Variants in IL16 observed in about 807,000 individuals in gnomAD.
IL16 encodes interleukin 16.
A neutral mutation model predicts 110.1 loss-of-function variants in IL16; 67 were observed. The ratio of observed to expected loss-of-function variants is 0.61; its 90% CI spans 0.50 to 0.75. IL16 has a LOEUF of 0.75. IL16 is among the 30% of genes least tolerant of loss of function. The pLI is 0.00. For synonymous variants in IL16, 689 were observed against 662.9 expected (o/e 1.04, Z -0.61); for missense variants, 1,545 against 1,655.0 (o/e 0.93, Z 1.15).
At chr15:81,233,783 C>G (rs1344388362) in intron 2 of IL16, among the ~76,000 whole-genome samples, 2 of 151,846 alleles carry the variant, frequency 1.3e-5, no homozygotes, top group Non-Finnish European at 2.9e-5. Context: ...ATTTGTCTAC[C>G]CATTTCCCCT....
At chr15:81,270,096 G>A (rs1898565965) in intron 5 of IL16, among the ~76,000 whole-genome samples, 1 of 152,200 alleles carries the variant, frequency 6.6e-6, no homozygotes, top group South Asian at 2.1e-4. Context: ...GAAATTCAAT[G>A]GTTGATAGTG....
Position 81,300,339 on chromosome 15 carries a change from CTTCCAT to C in IL16, c.3014_3019del (p.Leu1005_Ser1007delinsPro). ...GGCTGTCATGAAATCCTTGCTGTGC[CTTCCAT>C]CTTCTATCTCCTGTGCCCAGACTCC... is the stretch of plus-strand genomic sequence containing the variant. On this transcript the variant is annotated inframe_deletion, in exon 14 of 19. Coordinates refer to ENST00000683961, the MANE Select transcript of IL16 (RefSeq NM_172217.5). The C allele has an allele frequency of 1.2e-6, 2 of 1,614,158 alleles. No individual in the cohort carries two copies. Among genetic ancestry groups the C allele is most frequent in the Non-Finnish European group, 1.7e-6 (2 of 1,180,024 alleles).
At chr15:81,233,229 T>A (rs1357275850) in intron 2 of IL16, among the ~76,000 whole-genome samples, 2 of 152,134 alleles carry the variant, frequency 1.3e-5, no homozygotes, top group Non-Finnish European at 2.9e-5. Context: ...AATAGAAAGA[T>A]CCTGTGTACC....
At chr15:81,219,605 G>A (rs1279474207) in intron 1 of IL16, among the ~76,000 whole-genome samples, 1 of 152,084 alleles carries the variant, frequency 6.6e-6, no homozygotes, top group East Asian at 1.9e-4. Context: ...AAGTGCAATG[G>A]TCCCTGTGAG....
chr15:81,237,280 A>C (rs1897206316), intron 2 of IL16, among the ~76,000 whole-genome samples: 1 of 152,060 alleles, frequency 6.6e-6, no homozygotes, highest in Admixed American at 6.5e-5. Context: ...AACAACAAAC[A>C]ATTAAGAAAC....
At chr15:81,209,887 C>T (rs1429576425) in intron 1 of IL16, among the ~76,000 whole-genome samples, 1 of 152,216 alleles carries the variant, frequency 6.6e-6, no homozygotes, top group Non-Finnish European at 1.5e-5. Context: ...GGAATTGTCA[C>T]TTCTTGTTTT....
intron 8 of IL16, among the ~76,000 whole-genome samples, chr15:81,282,387 G>T (rs1316667695): frequency 6.6e-6 from 1 of 152,122 alleles, no homozygotes. Flanking sequence ...TTCTCATCTA[G>T]CTCCCTCCTT....
In IL16 at chr15:81,278,884, G is replaced by A; in HGVS notation, c.858G>A (p.Lys286=). ...TAACACATCAGGATGCTTTGCAGAA[G>A]TTCAAGGTGACCATTTCTTATCAAC... ...AGLTHQDALQ[K]FKQAKKGLLT... is the part of the protein sequence containing the mutation. The change falls in exon 7 of 19, where the codon AAG becomes AAA. Residue 286 remains lysine (K), a synonymous_variant. Transcript: ENST00000683961. 3 of 1,611,040 alleles carry A rather than the reference G, an allele frequency of 1.9e-6. No individual in the cohort carries two copies. Among genetic ancestry groups the A allele is most frequent in the South Asian group, 1.1e-5 (1 of 91,006 alleles).
At chr15:81,292,526 T>C (rs1309477534) in intron 11 of IL16, 30 bp from the exon 12 acceptor site, 1 of 1,612,064 alleles carries the variant, frequency 6.2e-7, no homozygotes, top group Non-Finnish European at 8.5e-7. Flanking sequence ...GAAGCTCAGC[T>C]GTGAAGATTC....
chr15:81,297,035 G>C lies in IL16; in HGVS notation c.2010G>C (p.Lys670Asn), dbSNP rs1361722129. Reference sequence around the variant, plus strand: ...GACCTGGTATCGGCCCACAGACCAAGTCCTCCACAGAGGGCGAGCCAGGGT... The same window carrying C: ...GACCTGGTATCGGCCCACAGACCAACTCCTCCACAGAGGGCGAGCCAGGGT... ...CPGPGIGPQT[K>N]SSTEGEPGWR... Residue 670 changes from lysine (K) to asparagine (N), a missense_variant, in exon 13 of 19, where the codon AAG becomes AAC. By Grantham distance (94) the Lys-to-Asn change is moderately conservative. This residue lies in a region of IL16 where 1,185 missense variants were observed against 1,238.8 expected (regional missense o/e 0.96). Coordinates refer to ENST00000683961, the MANE Select transcript of IL16 (RefSeq NM_172217.5). 6.2e-7 allele frequency: 1 copy of C among 1,613,844 alleles called. No individual in the cohort carries two copies. Among genetic ancestry groups the C allele is most frequent in the African/African-American group, 1.3e-5 (1 of 74,902 alleles).
chr15:81,249,413 T>C (rs1199777909), intron 2 of IL16, among the ~76,000 whole-genome samples: 1 of 152,194 alleles, frequency 6.6e-6, no homozygotes, highest in African/African-American at 2.4e-5. Context: ...CTTGGGATTT[T>C]TTTTTTCTGT....
At chr15:81,239,799 G>GTTT (rs767628898) in intron 2 of IL16, among the ~76,000 whole-genome samples, 2 of 147,004 alleles carry the variant, frequency 1.4e-5, no homozygotes, top group African/African-American at 5.5e-5. Context: ...TTGTTTGTTT[G>GTTT]TTTTTGGCTT....
At chr15:81,207,080 C>CA (rs952229980) in intron 1 of IL16, among the ~76,000 whole-genome samples, 1 of 151,210 alleles carries the variant, frequency 6.6e-6, no homozygotes, top group Admixed American at 6.6e-5. Context: ...AAAAAAACCA[C>CA]AAAAAATTAG....
chr15:81,195,041 A>C (rs1895561654), upstream of IL16, among the ~76,000 whole-genome samples: 1 of 152,080 alleles, frequency 6.6e-6, no homozygotes, highest in African/African-American at 2.4e-5. Context: ...GGATGTCCTG[A>C]AGGGCAGAGG....
At chr15:81,292,354 T>G (rs1210218068) in intron 11 of IL16, 38 of 709,442 alleles carry the variant, frequency 5.4e-5, no homozygotes, top group Non-Finnish European at 1.2e-5. Flanking sequence ...TCAGAAAGCT[T>G]GAATGATTTT....
intron 1 of IL16, among the ~76,000 whole-genome samples, chr15:81,198,953 G>A (rs190894601): frequency 0.05 from 7,407 of 148,628 alleles, 329 homozygotes; most frequent in East Asian, 0.16. Context: ...CCGGGAGGCG[G>A]AGACTGCAGT....
At position 81,300,150 on chromosome 15, in the gene IL16, C is replaced by G; in HGVS notation, c.2824C>G (p.Leu942Val). 1 of 1,613,518 alleles carries G rather than the reference C, an allele frequency of 6.2e-7. No homozygotes were observed. The highest frequency in any genetic ancestry group is 8.5e-7 in the Non-Finnish European group (1 of 1,179,648). Residue 942 changes from leucine (L) to valine (V), a missense_variant, in exon 14 of 19, where the codon CTA becomes GTA. Transcript: ENST00000683961. ...TCTCCCCCCTGGCCCGGACCCGCTCCTAAGGCTGCTGTCAACACAGGCTGA... is the reference window on the plus strand; with the variant it reads ...TCTCCCCCCTGGCCCGGACCCGCTCGTAAGGCTGCTGTCAACACAGGCTGA... ...KTLPPGPDPL[L>V]RLLSTQAEES...
intron 1 of IL16, among the ~76,000 whole-genome samples, chr15:81,206,749 T>C (rs952157232): frequency 2.0e-5 from 3 of 152,202 alleles, no homozygotes; most frequent in Non-Finnish European, 4.4e-5. Context: ...TGAGTTTAAA[T>C]TGGGAATCAA....
chr15:81,221,811 A>G (rs971367003), intron 1 of IL16, among the ~76,000 whole-genome samples: 11 of 152,090 alleles, frequency 7.2e-5, no homozygotes, highest in Non-Finnish European at 8.8e-5. Context: ...CCCACATGAG[A>G]GCCTAGGTCA....
Sources: gnomAD v4.1 joint callset for allele counts (sites outside exome capture counted in the v4.1 genomes callset) on GRCh38, gnomAD v4.1.1 for gene constraint, gnomAD v4.1.1 regional missense constraint, MANE v1.5 for transcripts, NCBI Gene and HGNC (gene_info 2026-07-23, HGNC 2026-07-21) for gene names.